The following XDH variants were observed in gnomAD, a reference collection of about 807,000 sequenced individuals.
The protein encoded by XDH is xanthine dehydrogenase.
A neutral mutation model predicts 156.1 loss-of-function variants in XDH; 138 were observed. The ratio of observed to expected loss-of-function variants is 0.88; its 90% CI spans 0.77 to 1.02. XDH has a LOEUF of 1.02. XDH is among the 50% of genes least tolerant of loss of function. The probability of loss-of-function intolerance (pLI) is 0.00; values close to 1 mark genes in which losing one functional copy is unlikely to be tolerated. For synonymous variants in XDH, 669 were observed against 625.7 expected (o/e 1.07, Z -1.03); for missense variants, 1,849 against 1,684.9 (o/e 1.10, Z -1.71).
At chr2:31,404,595 A>T (rs1466807658) in intron 2 of XDH, among the ~76,000 whole-genome samples, 1 of 152,232 alleles carries the variant, frequency 6.6e-6, no homozygotes, top group Non-Finnish European at 1.5e-5. Context: ...GGAAATGATT[A>T]AAAAATTAAA....
At chr2:31,342,781 C>T (rs536174257) in intron 31 of XDH, among the ~76,000 whole-genome samples, 1 of 152,152 alleles carries the variant, frequency 6.6e-6, no homozygotes, top group Admixed American at 6.6e-5. Flanking sequence ...CTGGGTGCAT[C>T]TTTAAGCGGC....
intron 1 of XDH, among the ~76,000 whole-genome samples, chr2:31,412,674 A>G (rs1020954683): frequency 6.6e-6 from 1 of 152,216 alleles, no homozygotes; most frequent in Non-Finnish European, 1.5e-5. Context: ...CTTCTTTGGT[A>G]ACTACTTTGC....
intron 17 of XDH, among the ~76,000 whole-genome samples, chr2:31,371,201 G>T (rs149246178): frequency 3.9e-5 from 6 of 152,092 alleles, no homozygotes; most frequent in Admixed American, 6.5e-5. Flanking sequence ...ACTGGCACAT[G>T]CCCCCATGGG....
chr2:31,368,444 C>G, intron 19 of XDH, 97 bp downstream of exon 19: 1 of 1,509,774 alleles, frequency 6.6e-7, no homozygotes, highest in Non-Finnish European at 9.1e-7. Context: ...AGTCAAATCC[C>G]TACCTGCTGC....
Position 31,350,099 on chromosome 2 carries a change from TG to T in XDH, c.2755del (p.Gln919ArgfsTer10), listed in dbSNP as rs1285953845. 5 of 1,614,094 alleles carry T rather than the reference TG, an allele frequency of 3.1e-6. No individual in the cohort carries two copies. The highest frequency in any genetic ancestry group is 4.5e-5 in the East Asian group (2 of 44,896). Reference sequence around the variant, plus strand: ...CCAGCACTCGGCAATGAGCATCCCCTGGGGCCCCCCAAAGCCCCGGAAGGCC... The same window carrying T: ...CCAGCACTCGGCAATGAGCATCCCCTGGGCCCCCCAAAGCCCCGGAAGGCC... ...NTAFRGFGGPQGMLIAECWMS... is the reference protein window; with the variant it reads ...NTAFRGFGGPXGMLIAECWMS... On this transcript the variant is annotated frameshift_variant, in exon 25 of 36. Coordinates refer to ENST00000379416, the MANE Select transcript of XDH (RefSeq NM_000379.4). LOFTEE classifies it high-confidence loss of function.
intron 2 of XDH, among the ~76,000 whole-genome samples, chr2:31,404,013 A>G (rs1018623647): frequency 6.6e-6 from 1 of 152,190 alleles, no homozygotes; most frequent in African/African-American, 2.4e-5. Context: ...AAGCACTTTC[A>G]CCTAGATACC....
rs1018115216 is a variant in XDH at position 31,339,606 on chromosome 2, G to A, written c.3657C>T (p.Ser1219=). The A allele has an allele frequency of 8.7e-6, 14 of 1,614,188 alleles. No individual in the cohort carries two copies. Among genetic ancestry groups the A allele is most frequent in the Non-Finnish European group, 1.0e-5 (12 of 1,180,030 alleles). Reference sequence around the variant, plus strand: ...AGGTGCTAGGGCCACGGGTGTGCAGGCTCCCCTCGGGGGAATAGTGTAGCT... The same window carrying A: ...AGGTGCTAGGGCCACGGGTGTGCAGACTCCCCTCGGGGGAATAGTGTAGCT... ...LEELHYSPEG[S]LHTRGPSTYK... Residue 1219 remains serine, a synonymous_variant, in exon 34 of 36, where the codon AGC becomes AGT. Coordinates refer to ENST00000379416, the MANE Select transcript of XDH (RefSeq NM_000379.4).
chr2:31,405,238 T>A (rs978787302), intron 2 of XDH, among the ~76,000 whole-genome samples: 6 of 152,186 alleles, frequency 3.9e-5, no homozygotes, highest in Non-Finnish European at 5.9e-5. Flanking sequence ...ATCCTGCCTG[T>A]ATATAGGAAG....
At position 31,381,676 on chromosome 2, in the gene XDH, G is replaced by A. The variant is rs267599349; in HGVS notation, c.1089C>T (p.Pro363=). ...ITASPISDLN[P]VFMASGAKLT... ...GCTTGGCCCCACTGGCCATGAACAC[G>A]GGGTTGAGGTCGGAGATGGGGCTGG... The change falls in exon 12 of 36, where the codon CCC becomes CCT. Residue 363 remains proline (P), a synonymous_variant. Transcript: ENST00000379416. 3.7e-6 allele frequency: 6 copies of A among 1,614,026 alleles called. No individual in the cohort carries two copies. Among genetic ancestry groups the A allele is most frequent in the African/African-American group, 1.3e-5 (1 of 74,998 alleles).
intron 14 of XDH, among the ~76,000 whole-genome samples, chr2:31,375,823 G>A (rs1306661736): frequency 6.6e-6 from 1 of 152,184 alleles, no homozygotes; most frequent in African/African-American, 2.4e-5. Flanking sequence ...AACATCTTAA[G>A]TGTTTTATAT....
At chr2:31,379,794 T>G (rs1162307605) in intron 13 of XDH, 73 bp downstream of exon 13, 4 of 1,462,092 alleles carry the variant, frequency 2.7e-6, no homozygotes, top group African/African-American at 1.4e-5. Context: ...TGAAGCAGAT[T>G]CTGATCTCTT....
chr2:31,404,702 G>A (rs1217179230), intron 2 of XDH, among the ~76,000 whole-genome samples: 5 of 152,126 alleles, frequency 3.3e-5, no homozygotes, highest in Non-Finnish European at 7.4e-5. Context: ...TGTAAATGGA[G>A]TTCCATGCAA....
rs760097551 is a variant in XDH at position 31,381,649 on chromosome 2, C to T, written c.1116G>A (p.Leu372=). 6.2e-7 allele frequency: 1 copy of T among 1,614,132 alleles called. No homozygotes were observed. Among genetic ancestry groups the T allele is most frequent in the Non-Finnish European group, 8.5e-7 (1 of 1,180,020 alleles). The change falls in exon 12 of 36, where the codon CTG becomes CTA. Residue 372 remains leucine (L), a synonymous_variant. Coordinates refer to ENST00000379416, the MANE Select transcript of XDH (RefSeq NM_000379.4). The part of the protein sequence containing the change: ...NPVFMASGAK[L]TLVSRGTRRT... ...GCAGCTCACCTCTGGACACAAGTGT[C>T]AGCTTGGCCCCACTGGCCATGAACA... is the stretch of plus-strand genomic sequence containing the variant.
chr2:31,363,713 G>C (rs45539133), intron 24 of XDH, among the ~76,000 whole-genome samples: 6,125 of 152,080 alleles, frequency 0.04, 384 homozygotes, highest in African/African-American at 0.14. Flanking sequence ...CAGTGTGTAC[G>C]CCTCTCAATA....
intron 33 of XDH, 50 bp from the exon 34 acceptor site, chr2:31,339,727 G>A: frequency 6.2e-7 from 1 of 1,603,032 alleles, no homozygotes; most frequent in Non-Finnish European, 8.5e-7. Context: ...CTTCCCTGAG[G>A]ACAGATACCA....
chr2:31,400,491 C>G (rs983318960), intron 4 of XDH, among the ~76,000 whole-genome samples: 9 of 152,172 alleles, frequency 5.9e-5, no homozygotes, highest in Non-Finnish European at 1.0e-4. Flanking sequence ...TTTCCTCAAA[C>G]AAAATGCTTT....
intron 11 of XDH, 73 bp from the exon 12 acceptor site, chr2:31,381,799 A>G (rs924891776): frequency 2.1e-6 from 3 of 1,412,660 alleles, no homozygotes; most frequent in Non-Finnish European, 2.9e-6. Flanking sequence ...GCTCCTGAAC[A>G]TACCAGCCAG....
At chr2:31,395,828 C>T (rs1686888102) in intron 6 of XDH, among the ~76,000 whole-genome samples, 2 of 152,190 alleles carry the variant, frequency 1.3e-5, no homozygotes, top group Non-Finnish European at 2.9e-5. Flanking sequence ...TTTGTTCAGC[C>T]TTTTTCTTCT....
At chr2:31,345,658 G>T (rs1379158135) in intron 30 of XDH, among the ~76,000 whole-genome samples, 4 of 152,016 alleles carry the variant, frequency 2.6e-5, no homozygotes, top group Non-Finnish European at 5.9e-5. Context: ...ACCTGCACTA[G>T]TCATTTAACA....
Sources: allele counts gnomAD v4.1 joint callset (sites outside exome capture counted in the v4.1 genomes callset), GRCh38; gene constraint gnomAD v4.1.1; transcripts MANE v1.5; gene names NCBI Gene and HGNC (gene_info 2026-07-23, HGNC 2026-07-21).